The following SETD5 variants were observed in gnomAD, a reference collection of about 807,000 sequenced individuals.
SETD5 encodes the protein SET domain containing 5.
Under a neutral mutation model 153.3 loss-of-function variants are expected in SETD5, and 44 were observed. That is an observed-to-expected ratio of 0.29 (90% confidence interval 0.23 to 0.37). The LOEUF (loss-of-function observed/expected upper bound fraction) is 0.37. Ranked by LOEUF, SETD5 falls within the 10% of genes least tolerant of loss-of-function variation. SETD5 has a pLI of 1.00. For missense variants in SETD5, 1,544 were observed against 1,768.0 expected, an observed-to-expected ratio of 0.87 and a Z score of 2.27; for synonymous variants, 716 against 645.2, an observed-to-expected ratio of 1.11 and a Z score of -1.66.
intron 17 of SETD5, among the ~76,000 whole-genome samples, chr3:9,455,208 G>T (rs572908364): frequency 1.7e-5 from 2 of 119,378 alleles, no homozygotes; most frequent in African/African-American, 3.3e-5. Flanking sequence ...AGAATCAAGC[G>T]ATTCTCCCTG....
At chr3:9,463,982 G>A (rs992933931) in intron 17 of SETD5, among the ~76,000 whole-genome samples, 1 of 152,154 alleles carries the variant, frequency 6.6e-6, no homozygotes, top group East Asian at 1.9e-4. Context: ...ACAAAAATTA[G>A]CCAGGTGTAG....
intron 8 of SETD5, 134 bp downstream of exon 8, chr3:9,440,832 A>T (rs1252118030): frequency 1.7e-6 from 2 of 1,144,862 alleles, no homozygotes; most frequent in Non-Finnish European, 2.4e-6. Context: ...GGTGTTGATC[A>T]TATGTAACCA....
chr3:9,445,962 G>GTTTTTTTTTTTT (rs1432231015), intron 13 of SETD5, among the ~76,000 whole-genome samples: 31 of 120,234 alleles, frequency 2.6e-4, no homozygotes, highest in East Asian at 6.9e-4. Flanking sequence ...GTTTGAAGAG[G>GTTTTTTTTTTTT]TTGTTTTTTT....
intron 1 of SETD5, among the ~76,000 whole-genome samples, chr3:9,413,943 A>G (rs564300400): frequency 6.6e-6 from 1 of 151,912 alleles, no homozygotes; most frequent in Admixed American, 6.5e-5. Flanking sequence ...ACGCCCAGCT[A>G]ATTTTTGTAT....
Position 9,448,412 on chromosome 3 carries a change from G to A in SETD5, c.2128G>A (p.Asp710Asn). ...GTATCTAGTTACAGAATGGTTGAAT[G>A]ACAAAGCAGAGAAGCAAGAGTGCCC... The part of the protein sequence containing the change: ...KKYLVTEWLN[D>N]KAEKQECPVE... Residue 710 changes from aspartate (D) to asparagine (N), a missense_variant, in exon 16 of 23, where the codon GAC (aspartate) becomes AAC (asparagine). Transcript: ENST00000402198. 6.2e-7 allele frequency: 1 copy of A among 1,613,924 alleles called. No homozygotes were observed. The highest frequency in any genetic ancestry group is 8.5e-7 in the Non-Finnish European group (1 of 1,179,844).
chr3:9,468,617 T>C (rs1176089526), intron 18 of SETD5: 1 of 1,296,246 alleles, frequency 7.7e-7, no homozygotes, highest in Non-Finnish European at 1.0e-6. Context: ...AGGCTGAGAG[T>C]GAGTGTTCAT....
Position 9,428,903 on chromosome 3 carries a change from A to T in SETD5, c.-36A>T. On this transcript the variant is annotated 5_prime_UTR_variant, in exon 3 of 23. Coordinates refer to ENST00000402198, the MANE Select transcript of SETD5 (RefSeq NM_001080517.3). ...AGAGTGGTCAGTCTCCATTAATTGG[A>T]CCCCGTGATTTCCAATCTCTGCTGT... is the stretch of plus-strand genomic sequence containing the variant. 6.4e-7 allele frequency: 1 copy of T among 1,563,534 alleles called. No individual in the cohort carries two copies. Among genetic ancestry groups the T allele is most frequent in the Non-Finnish European group, 8.8e-7 (1 of 1,138,814 alleles).
At chr3:9,423,302 C>T (rs1203303835) in intron 1 of SETD5, 2 of 152,122 alleles carry the variant, frequency 1.3e-5, no homozygotes, top group East Asian at 3.8e-4. Context: ...ACATCCTTTT[C>T]CCTAGAAACT....
Position 9,441,576 on chromosome 3 carries a change from G to C in SETD5, c.811-17G>C, listed in dbSNP as rs2041302867. 6.2e-7 allele frequency: 1 copy of C among 1,612,984 alleles called. No homozygotes were observed. Among genetic ancestry groups the C allele is most frequent in the Non-Finnish European group, 8.5e-7 (1 of 1,179,092 alleles). On this transcript the variant is annotated splice_polypyrimidine_tract_variant and intron_variant, in intron 8 of 22. Transcript: ENST00000402198. The stretch of plus-strand genomic sequence containing the variant: ...GTTCTTGCTGTTGTTTAATGTTATT[G>C]CTCTGGTTTTATTCAGTTACAGCTG...
chr3:9,434,182 G>A lies in SETD5; in HGVS notation c.178-152G>A. On this transcript the variant is annotated intron_variant, in intron 4 of 22. Transcript: ENST00000402198. The surrounding 1 kb of genome is among the most constrained non-coding windows in gnomAD (Gnocchi z 5.6). ...CCTGGTTGAAGCCAAAAAACAAAGGGTACTACTTTCTTCTTTCTTTCCATA... is the reference window on the plus strand; with the variant it reads ...CCTGGTTGAAGCCAAAAAACAAAGGATACTACTTTCTTCTTTCTTTCCATA... The A allele has an allele frequency of 1.9e-6, 3 of 1,549,376 alleles. No individual in the cohort carries two copies. The highest frequency in any genetic ancestry group is 2.6e-6 in the Non-Finnish European group (3 of 1,145,242).
Position 9,470,679 on chromosome 3 carries a change from A to G in SETD5, c.2945A>G (p.Asn982Ser), listed in dbSNP as rs998030813. The G allele has an allele frequency of 2.5e-6, 4 of 1,613,886 alleles. No homozygotes were observed. The highest frequency in any genetic ancestry group is 2.2e-5 in the East Asian group (1 of 44,888). The change falls in exon 19 of 23, where the codon AAC (asparagine) becomes AGC (serine). Residue 982 changes from asparagine to serine, a missense_variant. By Grantham distance (46) the Asn-to-Ser change is conservative. This residue lies in a region of SETD5 where 782 missense variants were observed against 787.2 expected (regional missense o/e 0.99). Coordinates refer to ENST00000402198, the MANE Select transcript of SETD5 (RefSeq NM_001080517.3). ...GACCAGGCATTTCGGACAGAGTTCA[A>G]CTTGATGTATGCCTACTCCCCTTTG... ...NSDQAFRTEF[N>S]LMYAYSPLNA...
At chr3:9,410,877 C>CTTTTT (rs34787440) in intron 1 of SETD5, among the ~76,000 whole-genome samples, 1 of 146,118 alleles carries the variant, frequency 6.8e-6, no homozygotes, top group African/African-American at 2.5e-5. Flanking sequence ...TAAAAATTCT[C>CTTTTT]TTTTTTTTTT....
At chr3:9,419,685 A>G (rs181609002) in intron 1 of SETD5, among the ~76,000 whole-genome samples, 146 of 152,346 alleles carry the variant, frequency 9.6e-4, no homozygotes, top group African/African-American at 3.2e-3. Context: ...TTACTACTGT[A>G]GGTGTGTAGT....
intron 3 of SETD5, chr3:9,431,037 CCT>C (rs751413972): frequency 1.2e-4 from 118 of 985,356 alleles, no homozygotes; most frequent in Non-Finnish European, 1.4e-4. Flanking sequence ...TTTCATCATG[CCT>C]ATTTCGCTGT....
At position 9,473,359 on chromosome 3, in the gene SETD5, G is replaced by A. The variant is rs764498622; in HGVS notation, c.3319G>A (p.Val1107Ile). The A allele has an allele frequency of 2.5e-5, 41 of 1,613,904 alleles. No individual in the cohort carries two copies. The highest frequency in any genetic ancestry group is 1.6e-4 in the Middle Eastern group (1 of 6,062). Residue 1107 changes from valine to isoleucine, a missense_variant, in exon 20 of 23, where the codon GTT becomes ATT. Around this residue, in one of 9 missense-constraint regions of SETD5, gnomAD observed 93 missense variants for 93.4 expected, o/e 1.00. Transcript: ENST00000402198. The stretch of plus-strand genomic sequence containing the variant: ...AGCTGGGCAAGGCAGCAGTAACTCC[G>A]TTTCCGACACTGGTGCCCATGGTGT... Reference protein sequence around the residue: ...AGAGQGSSNSVSDTGAHGVQG... With the variant: ...AGAGQGSSNSISDTGAHGVQG...
At chr3:9,431,542 A>G (rs1297767583) in intron 3 of SETD5, 1 of 984,512 alleles carries the variant, frequency 1.0e-6, no homozygotes, top group African/African-American at 1.7e-5. Flanking sequence ...GTATTCAATC[A>G]GTAACCAATA....
At chr3:9,464,761 T>A in intron 18 of SETD5, 89 bp downstream of exon 18, 2 of 1,584,070 alleles carry the variant, frequency 1.3e-6, no homozygotes, top group Non-Finnish European at 1.7e-6. Flanking sequence ...TCCAAATGTT[T>A]CTTTACTATC....
rs2045772468 is a variant in SETD5, at chr3:9,475,554, A to G, written c.3792A>G (p.Gly1264=). Residue 1264 remains glycine, a synonymous_variant, in exon 23 of 23, where the codon GGA becomes GGG. Transcript: ENST00000402198. ...LLQQSSSPFR[G]HPTQSPGYSY... ...AGCAGAGTTCCTCCCCCTTCAGAGG[A>G]CATCCTACACAGTCTCCAGGATACA... 1.2e-6 allele frequency: 2 copies of G among 1,613,824 alleles called. No homozygotes were observed. The highest frequency in any genetic ancestry group is 4.5e-5 in the East Asian group (2 of 44,868).
In SETD5 at chr3:9,435,243, CAAAA is replaced by C. The variant is rs5846637; in HGVS notation, c.388+380_388+383del. Among the ~76,000 whole-genome samples, 301 of 80,168 alleles carry C rather than the reference CAAAA, an allele frequency of 3.8e-3. 4 individuals are homozygous for C. The highest frequency in any genetic ancestry group is 0.011 in the African/African-American group (266 of 25,098). 52.6% of individuals were successfully genotyped at this position (80,168 alleles called of 152,430 possible). The stretch of plus-strand genomic sequence containing the variant: ...GGGCAACAAGAGCAAAACTCCCTCT[CAAAA>C]AAAAAAAAAAAAAAAAAAGAACCCC... On this transcript the variant is annotated intron_variant, in intron 6 of 22. Transcript: ENST00000402198.
Sources: allele counts gnomAD v4.1 joint callset (sites outside exome capture counted in the v4.1 genomes callset), GRCh38; gene constraint gnomAD v4.1.1; regional missense constraint gnomAD v4.1.1; non-coding constraint Gnocchi (gnomAD v3.1); transcripts MANE v1.5; gene names NCBI Gene and HGNC (gene_info 2026-07-23, HGNC 2026-07-21).